PTPRD: variants seen among roughly 807,000 people sequenced by gnomAD.
PTPRD encodes the protein receptor-type tyrosine-protein phosphatase delta.
A neutral mutation model predicts 214.5 loss-of-function variants in PTPRD; 34 were observed. That is an observed-to-expected ratio of 0.16 (90% CI 0.12 to 0.21). The LOEUF (loss-of-function observed/expected upper bound fraction) is 0.21. Among genes scored for constraint, PTPRD ranks in the 10% least tolerant of loss-of-function variants. PTPRD has a pLI of 1.00. For missense variants in PTPRD, 2,545 were observed against 2,398.7 expected, an observed-to-expected ratio of 1.06 and a Z score of -1.27; for synonymous variants, 1,128 against 845.7, an observed-to-expected ratio of 1.33 and a Z score of -5.79.
intron 10 of PTPRD, among the ~76,000 whole-genome samples, chr9:9,125,815 A>G (rs879584998): frequency 1.3e-5 from 2 of 152,194 alleles, no homozygotes; most frequent in African/African-American, 2.4e-5. Flanking sequence ...AACAACAAAT[A>G]AAGAGTATCA....
At chr9:9,080,803 C>G (rs1255626735) in intron 10 of PTPRD, among the ~76,000 whole-genome samples, 1 of 152,098 alleles carries the variant, frequency 6.6e-6, no homozygotes. Context: ...TTACAATATT[C>G]TCTGATGGTA....
chr9:8,892,504 C>T (rs2098547968), intron 11 of PTPRD, among the ~76,000 whole-genome samples: 1 of 149,136 alleles, frequency 6.7e-6, no homozygotes, highest in Non-Finnish European at 1.5e-5. Flanking sequence ...AATAATAATA[C>T]AAAGTTGAAT....
chr9:8,868,346 G>A (rs1176068468), intron 11 of PTPRD, among the ~76,000 whole-genome samples: 6 of 152,112 alleles, frequency 3.9e-5, no homozygotes, highest in African/African-American at 7.2e-5. Flanking sequence ...TTAGGGGCAT[G>A]TACCACCACA....
intron 3 of PTPRD, among the ~76,000 whole-genome samples, chr9:10,086,752 T>C (rs1022010851): frequency 2.0e-5 from 3 of 151,780 alleles, no homozygotes; most frequent in African/African-American, 4.8e-5. Flanking sequence ...GAAACAAAAA[T>C]GCAAACACAA....
chr9:9,535,334 C>G (rs2076294505), intron 8 of PTPRD, among the ~76,000 whole-genome samples: 1 of 152,028 alleles, frequency 6.6e-6, no homozygotes, highest in East Asian at 1.9e-4. Context: ...TTTAAACGAT[C>G]CAAAAGTGTT....
At chr9:8,565,779 G>A (rs574064089) in intron 14 of PTPRD, among the ~76,000 whole-genome samples, 5 of 152,044 alleles carry the variant, frequency 3.3e-5, no homozygotes, top group Non-Finnish European at 2.9e-5. Context: ...TTTATGAGAC[G>A]CTTATCAAAA....
chr9:10,547,703 A>G (rs1010274355), intron 2 of PTPRD, among the ~76,000 whole-genome samples: 7 of 151,912 alleles, frequency 4.6e-5, no homozygotes, highest in African/African-American at 1.7e-4. Context: ...TATATGTTAT[A>G]TATATATATA....
chr9:9,243,222 G>T (rs1246948714), intron 9 of PTPRD, among the ~76,000 whole-genome samples: 1 of 152,088 alleles, frequency 6.6e-6, no homozygotes, highest in Non-Finnish European at 1.5e-5. Flanking sequence ...ACAAGGAGGA[G>T]CTGCTACCAT....
intron 9 of PTPRD, among the ~76,000 whole-genome samples, chr9:9,191,893 T>C (rs2099935423): frequency 6.6e-6 from 1 of 152,128 alleles, no homozygotes; most frequent in Non-Finnish European, 1.5e-5. Flanking sequence ...TGTGTCTCTT[T>C]GATTTTTGCA....
chr9:8,922,040 G>A (rs1231548367), intron 11 of PTPRD, among the ~76,000 whole-genome samples: 1 of 148,894 alleles, frequency 6.7e-6, no homozygotes, highest in Non-Finnish European at 1.5e-5. Flanking sequence ...CTAGTGAGAA[G>A]GGATTAGTGG....
intron 3 of PTPRD, among the ~76,000 whole-genome samples, chr9:10,128,438 T>C (rs1413341348): frequency 6.6e-6 from 1 of 151,924 alleles, no homozygotes; most frequent in Non-Finnish European, 1.5e-5. Context: ...GCAGCAGAAG[T>C]CAAGGAACAC....
At chr9:10,454,420 T>TA (rs1339232683) in intron 2 of PTPRD, among the ~76,000 whole-genome samples, 1 of 151,604 alleles carries the variant, frequency 6.6e-6, no homozygotes, top group Non-Finnish European at 1.5e-5. Context: ...ATACTTTTTT[T>TA]AAAAAACTGA....
intron 3 of PTPRD, among the ~76,000 whole-genome samples, chr9:10,090,156 T>C (rs1393044056): frequency 6.6e-6 from 1 of 151,634 alleles, no homozygotes; most frequent in Non-Finnish European, 1.5e-5. Flanking sequence ...GTAACTGTTA[T>C]TTCACTTTTT....
intron 9 of PTPRD, among the ~76,000 whole-genome samples, chr9:9,362,149 C>T (rs1816684227): frequency 6.6e-6 from 1 of 150,936 alleles, no homozygotes; most frequent in Non-Finnish European, 1.5e-5. Context: ...AAGTCAGTAA[C>T]ACAGGGAGGG....
At chr9:9,813,361 A>G (rs1009473856) in intron 5 of PTPRD, among the ~76,000 whole-genome samples, 2 of 136,660 alleles carry the variant, frequency 1.5e-5, no homozygotes, top group Non-Finnish European at 3.0e-5. Flanking sequence ...GAGAGTTTCT[A>G]AAGAAAAACA....
intron 25 of PTPRD, among the ~76,000 whole-genome samples, chr9:8,498,182 T>C (rs991990255): frequency 2.0e-5 from 3 of 152,218 alleles, no homozygotes; most frequent in Non-Finnish European, 2.9e-5. Context: ...GAAGAAAACA[T>C]AAAGACTTCT....
chr9:10,239,248 G>A lies in PTPRD; in HGVS notation c.-545+101715C>T, dbSNP rs766948739. The stretch of plus-strand genomic sequence containing the variant: ...ACATTACCTCCATAGGAATACTGCT[G>A]ATGATGTTTGATAGAATTATACAAT... On this transcript the variant is annotated intron_variant, in intron 3 of 45. Coordinates refer to ENST00000381196, the MANE Select transcript of PTPRD (RefSeq NM_002839.4). Among the ~76,000 whole-genome samples the A allele has an allele frequency of 4.6e-5, 7 of 152,020 alleles. No homozygotes were observed. In the South Asian group the frequency reaches 1.4e-3, roughly 31 times the overall value.
intron 17 of PTPRD, chr9:8,525,237 C>G (rs1410991262): frequency 4.3e-6 from 3 of 699,036 alleles, no homozygotes; most frequent in Non-Finnish European, 7.7e-6. Context: ...TTTACATCAT[C>G]AATGCTAGCA....
chr9:10,399,201 G>C (rs755476212), intron 2 of PTPRD, among the ~76,000 whole-genome samples: 13 of 152,054 alleles, frequency 8.5e-5, no homozygotes, highest in Non-Finnish European at 1.3e-4. Context: ...TCCTAGATTT[G>C]TAAATTAGAG....
Sources: allele counts gnomAD v4.1 joint callset (sites outside exome capture counted in the v4.1 genomes callset), GRCh38; gene constraint gnomAD v4.1.1; transcripts MANE v1.5; gene names NCBI Gene and HGNC (gene_info 2026-07-23, HGNC 2026-07-21).